CTNNA2: variants seen among roughly 807,000 people sequenced by gnomAD.
CTNNA2 encodes the protein catenin alpha 2.
A neutral mutation model predicts 101.0 loss-of-function variants in CTNNA2; 42 were observed. The observed-to-expected ratio is 0.42, with a 90% confidence interval of 0.32 to 0.54. CTNNA2 has a LOEUF of 0.54. Ranked by LOEUF, CTNNA2 falls within the 20% of genes least tolerant of loss-of-function variation. CTNNA2 has a pLI of 0.14. For synonymous variants in CTNNA2, 450 were observed against 456.4 expected (o/e 0.99, Z 0.18); for missense variants, 871 against 1,223.1 (o/e 0.71, Z 4.29).
chr2:79,734,541 C>G (rs939894702), intron 2 of CTNNA2, among the ~76,000 whole-genome samples: 5 of 151,934 alleles, frequency 3.3e-5, no homozygotes, highest in Admixed American at 3.3e-4. Flanking sequence ...TAATGAAATA[C>G]AAAGTATTCT....
rs1485084979 is a variant in CTNNA2 at position 79,513,191 on chromosome 2, C to G, written c.-22C>G. On this transcript the variant is annotated 5_prime_UTR_variant, in exon 1 of 19. Coordinates refer to ENST00000402739, the MANE Select transcript of CTNNA2 (RefSeq NM_001282597.3). ...GAGAAAGAGGAGGAGGCGAGAAACT[C>G]CCACCGACCCACAGAGGTGAGTCCC... The G allele has an allele frequency of 6.6e-6, 1 of 152,636 alleles. No individual in the cohort carries two copies. The highest frequency in any genetic ancestry group is 6.5e-5 in the Admixed American group (1 of 15,272). The allele number at this position is 152,636 out of a possible 1,614,324, so 9.5% of individuals were successfully genotyped here.
At chr2:79,668,013 G>T (rs1682545150) in intron 2 of CTNNA2, among the ~76,000 whole-genome samples, 1 of 150,854 alleles carries the variant, frequency 6.6e-6, no homozygotes, top group Admixed American at 6.6e-5. Context: ...GGCCGAGGCG[G>T]GTGGATCATG....
In CTNNA2 at chr2:80,505,484, G is replaced by A. The variant is rs72916918; in HGVS notation, c.1291-39498G>A. Among the ~76,000 whole-genome samples the A allele has an allele frequency of 5.4e-3, 816 of 152,246 alleles. 5 individuals carry two copies. The highest frequency in any genetic ancestry group is 0.014 in the African/African-American group (583 of 41,556). On this transcript the variant is annotated intron_variant, in intron 9 of 18. Coordinates refer to ENST00000402739, the MANE Select transcript of CTNNA2 (RefSeq NM_001282597.3). ...CTCTTAACGTATGTGTGCCATTAGC[G>A]TAAATTGAGATCATGCATATCAACA...
At chr2:79,563,680 G>A (rs933015667) in intron 1 of CTNNA2, among the ~76,000 whole-genome samples, 6 of 152,032 alleles carry the variant, frequency 3.9e-5, no homozygotes, top group African/African-American at 1.4e-4. Context: ...TGAATGTTTT[G>A]AAAATCCTCT....
At chr2:80,048,030 T>G (rs1696640235) in intron 7 of CTNNA2, among the ~76,000 whole-genome samples, 1 of 152,194 alleles carries the variant, frequency 6.6e-6, no homozygotes, top group Non-Finnish European at 1.5e-5. Flanking sequence ...GAGCCCTATG[T>G]TATAACCAAA....
intron 18 of CTNNA2, among the ~76,000 whole-genome samples, chr2:80,638,738 G>A (rs1425799223): frequency 6.6e-6 from 1 of 152,130 alleles, no homozygotes; most frequent in African/African-American, 2.4e-5. Flanking sequence ...ACCCATAATT[G>A]AAAAAATGCA....
In CTNNA2 at chr2:80,517,025, A is replaced by G. The variant is rs563366923; in HGVS notation, c.1291-27957A>G. ...TCACCCCACCCCTCCCCAGAAAACA[A>G]TCCTCCTGTTTGTCTGAAATGAAGA... On this transcript the variant is annotated intron_variant, in intron 9 of 18. Coordinates refer to ENST00000402739, the MANE Select transcript of CTNNA2 (RefSeq NM_001282597.3). 2.0e-5 allele frequency among the ~76,000 whole-genome samples: 3 copies of G among 152,242 alleles called. 1 individual carries two copies. The highest frequency in any genetic ancestry group is 7.2e-5 in the African/African-American group (3 of 41,554).
At chr2:80,417,386 T>C (rs778318645) in intron 8 of CTNNA2, among the ~76,000 whole-genome samples, 1 of 151,740 alleles carries the variant, frequency 6.6e-6, no homozygotes, top group Non-Finnish European at 1.5e-5. Context: ...ATTCATTCTG[T>C]TTTCTTGTTT....
intron 1 of CTNNA2, among the ~76,000 whole-genome samples, chr2:79,593,773 A>G (rs1310252511): frequency 6.6e-6 from 1 of 151,088 alleles, no homozygotes; most frequent in Non-Finnish European, 1.5e-5. Context: ...TCCTATACCT[A>G]TGGGATGAAC....
chr2:80,573,180 C>A, intron 12 of CTNNA2: 1 of 152,140 alleles, frequency 6.6e-6, no homozygotes, highest in East Asian at 1.9e-4. Context: ...CTTTCATTTA[C>A]TATACAAATT....
intron 7 of CTNNA2, among the ~76,000 whole-genome samples, chr2:80,276,777 A>G (rs1165681558): frequency 6.6e-6 from 1 of 152,114 alleles, no homozygotes; most frequent in Non-Finnish European, 1.5e-5. Context: ...TGAGAATGGC[A>G]CCAACCCATT....
At chr2:80,348,397 G>A (rs555009088) in intron 7 of CTNNA2, among the ~76,000 whole-genome samples, 123 of 152,122 alleles carry the variant, frequency 8.1e-4, no homozygotes, top group Admixed American at 1.4e-3. Context: ...GTCATTTAAA[G>A]GTCTTACCAA....
At chr2:80,339,657 T>C (rs1559023350) in intron 7 of CTNNA2, among the ~76,000 whole-genome samples, 1 of 152,136 alleles carries the variant, frequency 6.6e-6, no homozygotes, top group Non-Finnish European at 1.5e-5. Context: ...ATGGGTTTGG[T>C]GCTACTGGAG....
intron 4 of CTNNA2, among the ~76,000 whole-genome samples, chr2:79,437,322 C>A (rs547590027): frequency 6.6e-6 from 1 of 152,184 alleles, no homozygotes; most frequent in South Asian, 2.1e-4. Context: ...GTAAGTTGCA[C>A]ACAATTCAAC....
intron 7 of CTNNA2, among the ~76,000 whole-genome samples, chr2:80,163,910 A>G (rs1704496248): frequency 6.6e-6 from 1 of 151,860 alleles, no homozygotes; most frequent in Non-Finnish European, 1.5e-5. Context: ...TTAATCTGAT[A>G]TTAATATAGC....
At chr2:79,210,115 T>TGTG (rs1572979854) in intron 2 of CTNNA2, among the ~76,000 whole-genome samples, 1 of 151,674 alleles carries the variant, frequency 6.6e-6, no homozygotes, top group African/African-American at 2.4e-5. Flanking sequence ...TGTGTGTGTG[T>TGTG]TTAAGCAGAA....
rs186220267 is a variant in CTNNA2 at position 80,269,361 on chromosome 2, G to A, written c.1057-123850G>A. On this transcript the variant is annotated intron_variant, in intron 7 of 18. Coordinates refer to ENST00000402739, the MANE Select transcript of CTNNA2 (RefSeq NM_001282597.3). The stretch of plus-strand genomic sequence containing the variant: ...CTCCTGATGCCTTGTGAAGAAGGAC[G>A]TGTTTGCTTCGCCTTCCACCATGAT... 1.0e-3 allele frequency among the ~76,000 whole-genome samples: 153 copies of A among 152,248 alleles called. 1 individual carries two copies. The highest frequency in any genetic ancestry group is 1.0e-3 in the African/African-American group (42 of 41,548).
chr2:79,978,532 C>T lies in CTNNA2; in HGVS notation c.1056+68735C>T, dbSNP rs77022238. On this transcript the variant is annotated intron_variant, in intron 7 of 18. Coordinates refer to ENST00000402739, the MANE Select transcript of CTNNA2 (RefSeq NM_001282597.3). The stretch of plus-strand genomic sequence containing the variant: ...GTTCTGAAGATCAAGTCATGTAAAG[C>T]GTTAGTCACCAGTTGCCTTCATCTT... Among the ~76,000 whole-genome samples, 323 of 152,208 alleles carry T rather than the reference C, an allele frequency of 2.1e-3. 8 individuals carry two copies. In the East Asian group the frequency reaches 0.056, roughly 26 times the overall value.
At chr2:80,033,541 T>C (rs1695445526) in intron 7 of CTNNA2, among the ~76,000 whole-genome samples, 1 of 152,100 alleles carries the variant, frequency 6.6e-6, no homozygotes, top group African/African-American at 2.4e-5. Context: ...ATCAGGCCAC[T>C]GCACACCAGC....
Sources: gnomAD v4.1 joint callset for allele counts (sites outside exome capture counted in the v4.1 genomes callset) on GRCh38, gnomAD v4.1.1 for gene constraint, MANE v1.5 for transcripts, NCBI Gene and HGNC (gene_info 2026-07-23, HGNC 2026-07-21) for gene names.